Variants in DYSF observed in about 807,000 individuals in gnomAD.
The protein encoded by DYSF is dysferlin.
Under a neutral mutation model 274.9 loss-of-function variants are expected in DYSF, and 212 were observed. That is an observed-to-expected ratio of 0.77 (90% CI 0.69 to 0.86). DYSF has a LOEUF of 0.86. Ranked by LOEUF, DYSF falls within the 40% of genes least tolerant of loss-of-function variation. DYSF has a pLI of 0.00. For synonymous variants in DYSF, 1,091 were observed against 1,078.7 expected, an observed-to-expected ratio of 1.01 and a Z score of -0.22; for missense variants, 2,666 against 2,783.2, an observed-to-expected ratio of 0.96 and a Z score of 0.95.
Position 71,466,757 on chromosome 2 carries a change from C to T in DYSF, c.-86C>T. On this transcript the variant is annotated 5_prime_UTR_variant, in exon 1 of 56. Coordinates refer to ENST00000410020, the MANE Select transcript of DYSF (RefSeq NM_001130987.2). ...TCTCTTGGCGCGGCTGCCTGGGAGCCGGGCGCTTGCTGGGTGGGTGCTCGG... is the reference window on the plus strand; with the variant it reads ...TCTCTTGGCGCGGCTGCCTGGGAGCTGGGCGCTTGCTGGGTGGGTGCTCGG... The T allele has an allele frequency of 7.1e-7, 1 of 1,413,526 alleles. No homozygotes were observed. Among genetic ancestry groups the T allele is most frequent in the Non-Finnish European group, 9.3e-7 (1 of 1,078,976 alleles). 87.6% of individuals were successfully genotyped at this position (1,413,526 alleles called of 1,614,324 possible).
At chr2:71,602,826 G>C (rs914371843) in intron 36 of DYSF, 21 bp downstream of exon 36, 1 of 1,612,240 alleles carries the variant, frequency 6.2e-7, no homozygotes, top group Non-Finnish European at 8.5e-7. Flanking sequence ...CGTGGTGGTT[G>C]GGATGGGTGG....
intron 42 of DYSF, among the ~76,000 whole-genome samples, chr2:71,645,531 C>T (rs912125087): frequency 4.0e-5 from 6 of 151,478 alleles, no homozygotes; most frequent in South Asian, 2.1e-4. Context: ...TGTTTCTGCC[C>T]GCTAGGGTCT....
At chr2:71,582,204 C>T (rs1423412127) in intron 30 of DYSF, among the ~76,000 whole-genome samples, 1 of 149,996 alleles carries the variant, frequency 6.7e-6, no homozygotes, top group African/African-American at 2.5e-5. Context: ...GTTACAACAG[C>T]AGCCGAACAG....
At chr2:71,484,688 T>G (rs761221917) in intron 3 of DYSF, among the ~76,000 whole-genome samples, 45 of 152,224 alleles carry the variant, frequency 3.0e-4, no homozygotes, top group Non-Finnish European at 5.9e-4. Context: ...TCCCTGCCTC[T>G]GGATTCTACT....
In DYSF at chr2:71,528,499, A is replaced by C. The variant is rs1386179791; in HGVS notation, c.1380+98A>C. 4.8e-5 allele frequency: 49 copies of C among 1,027,704 alleles called. No homozygotes were observed. The Admixed American group carries it at 9.6e-4, about 20-fold the overall frequency. The allele number at this position is 1,027,704 out of a possible 1,614,324, so 63.7% of individuals were successfully genotyped here. A position where few individuals can be genotyped will look rare whatever the true frequency, so the allele number is the denominator to read the frequency against. The stretch of plus-strand genomic sequence containing the variant: ...GAGCAAGACAGAGTGAGATGCCCCC[A>C]CCAGAGGTGTGTGCACAAGGAGTGG... On this transcript the variant is annotated intron_variant, in intron 14 of 55. Coordinates refer to ENST00000410020, the MANE Select transcript of DYSF (RefSeq NM_001130987.2).
chr2:71,542,881 G>T (rs2090054021), intron 17 of DYSF, among the ~76,000 whole-genome samples: 1 of 152,256 alleles, frequency 6.6e-6, no homozygotes, highest in South Asian at 2.1e-4. Context: ...CCAATGAGCT[G>T]CTGGGTACAC....
intron 40 of DYSF, among the ~76,000 whole-genome samples, chr2:71,618,774 G>GTT (rs1316959225): frequency 6.6e-6 from 1 of 151,574 alleles, no homozygotes; most frequent in Non-Finnish European, 1.5e-5. Context: ...GTGTGAGTGT[G>GTT]TTTTTTGTGT....
At chr2:71,618,584 T>TGTGTGTGTGTGGTAGAG (rs2094000457) in intron 40 of DYSF, among the ~76,000 whole-genome samples, 1 of 137,576 alleles carries the variant, frequency 7.3e-6, no homozygotes, top group Non-Finnish European at 1.5e-5. Context: ...GGGGTAGAGT[T>TGTGTGTGTGTGGTAGAG]GTGTGTGTGT....
chr2:71,592,079 C>G (rs753408246), intron 32 of DYSF, among the ~76,000 whole-genome samples: 2 of 152,362 alleles, frequency 1.3e-5, no homozygotes, highest in Non-Finnish European at 2.9e-5. Context: ...AGCCTTGCTT[C>G]CTCTCCCTTC....
At chr2:71,663,055 G>GTATGTCTGTGTCCATGTGTCTGCATAT (rs1553411936) in intron 45 of DYSF, among the ~76,000 whole-genome samples, 2 of 152,050 alleles carry the variant, frequency 1.3e-5, no homozygotes, top group Non-Finnish European at 2.9e-5. Context: ...GCACGCGCGT[G>GTATGTCTGTGTCCATGTGTCTGCATAT]GTGTAGGGAA....
intron 3 of DYSF, among the ~76,000 whole-genome samples, chr2:71,484,191 T>C (rs1368568671): frequency 6.6e-6 from 1 of 151,800 alleles, no homozygotes; most frequent in Non-Finnish European, 1.5e-5. Context: ...TAGCTGGGAT[T>C]ACAGGTGCCC....
chr2:71,572,335 CCACAGATCACACCCAG>C (rs548261921), intron 29 of DYSF, among the ~76,000 whole-genome samples: 4 of 142,000 alleles, frequency 2.8e-5, no homozygotes, highest in Non-Finnish European at 4.6e-5. Context: ...CCCAGCACAC[CCACAGATCACACCCAG>C]CACAGATCAC....
intron 30 of DYSF, among the ~76,000 whole-genome samples, chr2:71,583,983 G>A (rs963454556): frequency 1.3e-5 from 2 of 152,164 alleles, no homozygotes; most frequent in Non-Finnish European, 2.9e-5. Flanking sequence ...GCAGCGGGTT[G>A]GAGGCCACCC....
At chr2:71,483,918 C>T (rs1433175803) in intron 3 of DYSF, among the ~76,000 whole-genome samples, 6 of 151,894 alleles carry the variant, frequency 4.0e-5, no homozygotes, top group African/African-American at 1.2e-4. Flanking sequence ...CTGACAATGC[C>T]GGCGTTGACA....
At chr2:71,467,642 G>A (rs1328863699) in intron 1 of DYSF, among the ~76,000 whole-genome samples, 1 of 152,072 alleles carries the variant, frequency 6.6e-6, no homozygotes, top group Non-Finnish European at 1.5e-5. Flanking sequence ...CACTGGAGCG[G>A]GTGTCTCAGG....
chr2:71,683,613 C>T (rs765207629), intron 55 of DYSF, among the ~76,000 whole-genome samples: 1 of 152,254 alleles, frequency 6.6e-6, no homozygotes, highest in Non-Finnish European at 1.5e-5. Context: ...GGCAAAGACG[C>T]AAACACCCAG....
chr2:71,626,776 G>A (rs1169609683), intron 41 of DYSF, among the ~76,000 whole-genome samples: 1 of 151,826 alleles, frequency 6.6e-6, no homozygotes, highest in Non-Finnish European at 1.5e-5. Context: ...TAAATGTTTG[G>A]TAGATTCACT....
intron 46 of DYSF, 26 bp downstream of exon 46, chr2:71,664,464 GCTTCTCTGACAACACACCACCCCTGT>G (rs542850691): frequency 1.5e-5 from 24 of 1,613,008 alleles, no homozygotes; most frequent in Middle Eastern, 3.5e-4. Context: ...CTGGCTGCCT[GCTTCTCTGACAACACACCACCCCTGT>G]CTTCTCTGAC....
At chr2:71,539,403 C>T (rs980034677) in intron 17 of DYSF, among the ~76,000 whole-genome samples, 164 bp downstream of exon 17, 5 of 152,166 alleles carry the variant, frequency 3.3e-5, no homozygotes, top group African/African-American at 1.2e-4. Flanking sequence ...AAAGAGATGT[C>T]TTACAGACAC....
Sources: gnomAD v4.1 joint callset for allele counts (sites outside exome capture counted in the v4.1 genomes callset) on GRCh38, gnomAD v4.1.1 for gene constraint, MANE v1.5 for transcripts, NCBI Gene and HGNC (gene_info 2026-07-23, HGNC 2026-07-21) for gene names.